DNER: variants seen among roughly 807,000 people sequenced by gnomAD.
The protein encoded by DNER is delta/notch like EGF repeat containing, also known as delta and Notch-like epidermal growth factor-related receptor.
DNER carries 33 observed loss-of-function variants against 78.2 expected under a neutral mutation model. The ratio of observed to expected loss-of-function variants is 0.42; its 90% CI spans 0.32 to 0.56. The LOEUF is 0.56. Ranked by LOEUF, DNER falls within the 20% of genes least tolerant of loss-of-function variation. The pLI is 0.11. For synonymous variants in DNER, 417 were observed against 384.8 expected (o/e 1.08, Z -0.98); for missense variants, 918 against 975.3 (o/e 0.94, Z 0.78).
At chr2:229,657,474 G>A (rs770757820) in intron 1 of DNER, among the ~76,000 whole-genome samples, 25 of 152,080 alleles carry the variant, frequency 1.6e-4, no homozygotes, top group Non-Finnish European at 3.1e-4. Context: ...CAACATGGAA[G>A]TTCCTCAAAA....
intron 10 of DNER, among the ~76,000 whole-genome samples, chr2:229,403,393 C>A (rs1442532601): frequency 6.6e-6 from 1 of 152,138 alleles, no homozygotes; most frequent in Non-Finnish European, 1.5e-5. Flanking sequence ...CTGTTAAGAC[C>A]TCTGAGAACC....
At chr2:229,536,655 T>C (rs995252527) in intron 5 of DNER, among the ~76,000 whole-genome samples, 13 of 152,244 alleles carry the variant, frequency 8.5e-5, no homozygotes, top group Admixed American at 2.6e-4. Context: ...GATCATTTTC[T>C]GCTCTTGGGC....
chr2:229,411,869 CA>C lies in DNER; in HGVS notation c.1610-4525del, dbSNP rs199553368. The stretch of plus-strand genomic sequence containing the variant: ...ATTGTAGGTATACTCAATTATTGAA[CA>C]GTAAAAACATGGATACTAAAATCAG... On this transcript the variant is annotated intron_variant, in intron 9 of 12. Coordinates refer to ENST00000341772, the MANE Select transcript of DNER (RefSeq NM_139072.4). Among the ~76,000 whole-genome samples, 1,406 of 152,102 alleles carry C rather than the reference CA, an allele frequency of 9.2e-3. 27 individuals are homozygous for C. Among genetic ancestry groups the C allele is most frequent in the African/African-American group, 0.032 (1,329 of 41,492 alleles).
intron 8 of DNER, among the ~76,000 whole-genome samples, chr2:229,441,564 T>G (rs907829529): frequency 6.6e-5 from 10 of 152,288 alleles, no homozygotes; most frequent in African/African-American, 2.4e-4. Flanking sequence ...GGAGCAATTC[T>G]TATCTAAAGA....
chr2:229,459,559 C>G (rs951141377), intron 7 of DNER, among the ~76,000 whole-genome samples: 1 of 152,008 alleles, frequency 6.6e-6, no homozygotes, highest in Non-Finnish European at 1.5e-5. Flanking sequence ...TTTTTACAGA[C>G]GAAGGTTCAG....
chr2:229,368,536 G>A (rs536962946), intron 11 of DNER, among the ~76,000 whole-genome samples: 1 of 152,262 alleles, frequency 6.6e-6, no homozygotes, highest in South Asian at 2.1e-4. Flanking sequence ...ATAAAAGCAT[G>A]TTACCAAACA....
chr2:229,671,979 A>G (rs1306440793), intron 1 of DNER, among the ~76,000 whole-genome samples: 1 of 152,178 alleles, frequency 6.6e-6, no homozygotes, highest in Non-Finnish European at 1.5e-5. Context: ...AGTTTGCCAA[A>G]ATGTATCATT....
chr2:229,568,497 A>G (rs1392867949), intron 4 of DNER, among the ~76,000 whole-genome samples: 1 of 152,210 alleles, frequency 6.6e-6, no homozygotes, highest in Non-Finnish European at 1.5e-5. Flanking sequence ...TTAATATTCT[A>G]AAGGAAATGA....
chr2:229,434,921 TATATACAC>T (rs945030979), intron 8 of DNER, among the ~76,000 whole-genome samples: 61 of 61,592 alleles, frequency 9.9e-4, no homozygotes, highest in Non-Finnish European at 6.3e-4. Context: ...TATATATATA[TATATACAC>T]ACACACACAC....
chr2:229,445,517 G>T (rs1202408481), intron 8 of DNER, among the ~76,000 whole-genome samples: 3 of 152,248 alleles, frequency 2.0e-5, no homozygotes, highest in Non-Finnish European at 4.4e-5. Flanking sequence ...GTATGAAGGT[G>T]TGTTTTAGAT....
chr2:229,703,756 A>C (rs934816358), intron 1 of DNER, among the ~76,000 whole-genome samples: 4 of 152,140 alleles, frequency 2.6e-5, no homozygotes, highest in Non-Finnish European at 5.9e-5. Flanking sequence ...ACATGCCTGT[A>C]GTCCCAGCTA....
intron 5 of DNER, among the ~76,000 whole-genome samples, chr2:229,513,156 A>G (rs1339284363): frequency 6.6e-6 from 1 of 152,208 alleles, no homozygotes; most frequent in Non-Finnish European, 1.5e-5. Flanking sequence ...GTTCATATTT[A>G]TCCCCGTCAT....
chr2:229,491,519 T>G (rs1035438708), intron 6 of DNER, among the ~76,000 whole-genome samples: 4 of 152,228 alleles, frequency 2.6e-5, no homozygotes, highest in Non-Finnish European at 5.9e-5. Context: ...ATAGCACTTG[T>G]GCATAGCATA....
intron 1 of DNER, among the ~76,000 whole-genome samples, chr2:229,668,571 T>TAC (rs1200854776): frequency 2.1e-4 from 20 of 96,226 alleles, no homozygotes; most frequent in African/African-American, 7.9e-4. Flanking sequence ...TATATATATA[T>TAC]ATATATATAA....
At chr2:229,473,155 C>T (rs1433403776) in intron 7 of DNER, among the ~76,000 whole-genome samples, 2 of 152,196 alleles carry the variant, frequency 1.3e-5, no homozygotes, top group African/African-American at 4.8e-5. Flanking sequence ...AGGGAAAACC[C>T]CATTTTAACA....
intron 8 of DNER, among the ~76,000 whole-genome samples, chr2:229,439,594 A>G (rs1694192633): frequency 6.6e-6 from 1 of 152,252 alleles, no homozygotes; most frequent in South Asian, 2.1e-4. Context: ...CAGTTCTAAA[A>G]TCCAGATTCA....
At chr2:229,402,050 T>A (rs1322254816) in intron 10 of DNER, among the ~76,000 whole-genome samples, 1 of 152,088 alleles carries the variant, frequency 6.6e-6, no homozygotes, top group African/African-American at 2.4e-5. Flanking sequence ...AGACCTATTT[T>A]AAAAACACTT....
At chr2:229,607,477 C>G (rs893052085) in intron 1 of DNER, among the ~76,000 whole-genome samples, 5 of 152,166 alleles carry the variant, frequency 3.3e-5, no homozygotes, top group Non-Finnish European at 7.4e-5. Flanking sequence ...TAGAACAGTA[C>G]AATTCCAATC....
intron 4 of DNER, among the ~76,000 whole-genome samples, chr2:229,568,714 G>A (rs1033011358): frequency 6.6e-6 from 1 of 151,710 alleles, no homozygotes; most frequent in South Asian, 2.1e-4. Context: ...CAAGCTATAC[G>A]TTTCCTTTTT....
Sources: allele counts gnomAD v4.1 joint callset (sites outside exome capture counted in the v4.1 genomes callset), GRCh38; gene constraint gnomAD v4.1.1; transcripts MANE v1.5; gene names NCBI Gene and HGNC (gene_info 2026-07-23, HGNC 2026-07-21).